Variants in NR2C2 observed in about 807,000 individuals in gnomAD.
The protein encoded by NR2C2 is Nuclear hormone receptor TR4.
In NR2C2, 6 loss-of-function variants were observed where a neutral mutation model predicts 62.9. That is an observed-to-expected ratio of 0.10 (90% confidence interval 0.05 to 0.19). NR2C2 has a LOEUF of 0.19. NR2C2 is among the 10% of genes least tolerant of loss of function. The pLI, the probability that NR2C2 is intolerant of heterozygous loss-of-function variation, is 1.00. For synonymous variants in NR2C2, 272 were observed against 273.8 expected, an observed-to-expected ratio of 0.99 and a Z score of 0.07; for missense variants, 479 against 762.7, an observed-to-expected ratio of 0.63 and a Z score of 4.38.
chr3:14,951,346 A>G (rs2039349666), intron 1 of NR2C2, among the ~76,000 whole-genome samples: 1 of 152,242 alleles, frequency 6.6e-6, no homozygotes, highest in South Asian at 2.1e-4. Context: ...CCAAGGTTAA[A>G]AGCAAATTTT....
intron 1 of NR2C2, among the ~76,000 whole-genome samples, chr3:14,953,353 TA>T (rs2039425963): frequency 6.6e-6 from 1 of 152,104 alleles, no homozygotes; most frequent in African/African-American, 2.4e-5. Flanking sequence ...TGCCCAAGTG[TA>T]AAAGAATATT....
intron 1 of NR2C2, chr3:14,948,138 A>G (rs1397071894): frequency 1.3e-5 from 2 of 151,382 alleles, no homozygotes; most frequent in Non-Finnish European, 3.0e-5. Context: ...GGCCGGCGCA[A>G]GGGTGGGGGT....
chr3:15,016,151 G>C lies in NR2C2; in HGVS notation c.274-1G>C. On this transcript the variant is annotated splice_acceptor_variant, in intron 3 of 13. Coordinates refer to ENST00000425241, the MANE Select transcript of NR2C2 (RefSeq NM_001291694.2). LOFTEE classifies it high-confidence loss of function. ...CCTGTTCGTTTCCTGATTTCTCTCA[G>C]ATTGTCACGGATTCTGCCTCTGTGG... 2 of 1,613,058 alleles carry C rather than the reference G, an allele frequency of 1.2e-6. No individual in the cohort carries two copies. Among genetic ancestry groups the C allele is most frequent in the Non-Finnish European group, 1.7e-6 (2 of 1,179,110 alleles).
chr3:14,997,018 A>G (rs2040853037), intron 1 of NR2C2, among the ~76,000 whole-genome samples: 1 of 152,244 alleles, frequency 6.6e-6, no homozygotes, highest in Non-Finnish European at 1.5e-5. Context: ...TTATTCTGCC[A>G]GTGAAGAATT....
intron 5 of NR2C2, among the ~76,000 whole-genome samples, chr3:15,022,398 C>CTTTTTTTTTTTTTTTTTTTTTTT (rs71038450): frequency 6.7e-5 from 6 of 89,142 alleles, no homozygotes; most frequent in Non-Finnish European, 1.1e-4. Flanking sequence ...CTTTTTCTTT[C>CTTTTTTTTTTTTTTTTTTTTTTT]TTTTTTTTTT....
At chr3:15,000,969 C>T (rs2040976432) in intron 1 of NR2C2, among the ~76,000 whole-genome samples, 1 of 151,606 alleles carries the variant, frequency 6.6e-6, no homozygotes, top group African/African-American at 2.4e-5. Context: ...CACCCGTCAC[C>T]ACGCCCGGCT....
chr3:15,003,121 T>C (rs116097290), intron 1 of NR2C2, among the ~76,000 whole-genome samples: 2,456 of 151,380 alleles, frequency 0.016, 62 homozygotes, highest in African/African-American at 0.056. Flanking sequence ...AATTTTTTTT[T>C]TTTTTTTTAA....
intron 1 of NR2C2, among the ~76,000 whole-genome samples, chr3:14,999,424 G>T (rs1486443694): frequency 6.6e-6 from 1 of 152,164 alleles, no homozygotes; most frequent in Non-Finnish European, 1.5e-5. Context: ...CCAGGAGGAT[G>T]AGGCTGCAGT....
Position 14,947,835 on chromosome 3 carries a change from C to T in NR2C2, c.-111C>T, listed in dbSNP as rs1470726137. 2 of 149,192 alleles carry T rather than the reference C, an allele frequency of 1.3e-5. No individual in the cohort carries two copies. The highest frequency in any genetic ancestry group is 4.9e-5 in the African/African-American group (2 of 40,906). 9.2% of individuals were successfully genotyped at this position (149,192 alleles called of 1,614,324 possible). On this transcript the variant is annotated 5_prime_UTR_variant, in exon 1 of 14. Transcript: ENST00000425241. Reference sequence around the variant, plus strand: ...GGGAGCCCGGGCTCCCCGCGCCCTGCCCTCCGCGCCGGGGGCCGCCCGCCG... The same window carrying T: ...GGGAGCCCGGGCTCCCCGCGCCCTGTCCTCCGCGCCGGGGGCCGCCCGCCG...
intron 1 of NR2C2, among the ~76,000 whole-genome samples, chr3:14,952,071 C>T (rs1346025918): frequency 6.6e-6 from 1 of 152,194 alleles, no homozygotes; most frequent in Non-Finnish European, 1.5e-5. Flanking sequence ...GCATCTGTCT[C>T]CAAGGAGTAA....
At chr3:15,040,199 C>A (rs564005164) in intron 13 of NR2C2, among the ~76,000 whole-genome samples, 40 of 152,054 alleles carry the variant, frequency 2.6e-4, no homozygotes, top group Non-Finnish European at 5.3e-4. Context: ...AACCCTTTCT[C>A]GTGCAGCTTT....
intron 10 of NR2C2, among the ~76,000 whole-genome samples, chr3:15,032,966 C>T (rs931226982): frequency 6.1e-5 from 9 of 146,846 alleles, no homozygotes; most frequent in African/African-American, 2.2e-4. Context: ...TACAGGAAAC[C>T]CCCCCCCCTT....
At chr3:15,037,804 CCA>C (rs2042146332) in intron 11 of NR2C2, among the ~76,000 whole-genome samples, 194 bp from the exon 12 acceptor site, 1 of 152,156 alleles carries the variant, frequency 6.6e-6, no homozygotes, top group Non-Finnish European at 1.5e-5. Flanking sequence ...GAGGCAGAAC[CCA>C]TATTGGAGCA....
intron 1 of NR2C2, among the ~76,000 whole-genome samples, chr3:14,956,178 T>C (rs79997633): frequency 0.015 from 2,232 of 152,308 alleles, 46 homozygotes; most frequent in African/African-American, 0.05. Flanking sequence ...TTGATGAACA[T>C]TTGTATTACA....
chr3:15,033,968 C>T (rs1458979741), intron 10 of NR2C2, among the ~76,000 whole-genome samples: 1 of 152,178 alleles, frequency 6.6e-6, no homozygotes, highest in Admixed American at 6.5e-5. Flanking sequence ...GTTCTCACTG[C>T]CTTCCTGTGG....
chr3:14,958,804 C>T (rs1292168836), intron 1 of NR2C2, among the ~76,000 whole-genome samples: 2 of 152,180 alleles, frequency 1.3e-5, no homozygotes, highest in African/African-American at 2.4e-5. Context: ...GGTGAAACCC[C>T]GTCTCTACTA....
At chr3:15,026,535 T>C (rs1312302808) in intron 7 of NR2C2, 1 of 152,208 alleles carries the variant, frequency 6.6e-6, no homozygotes, top group Non-Finnish European at 1.5e-5. Flanking sequence ...ACTAATCTGC[T>C]TTCTGACTCT....
Position 15,032,484 on chromosome 3 carries a change from G to T in NR2C2, c.1216G>T (p.Ala406Ser). 6.2e-7 allele frequency: 1 copy of T among 1,614,186 alleles called. No individual in the cohort carries two copies. The highest frequency in any genetic ancestry group is 8.5e-7 in the Non-Finnish European group (1 of 1,180,044). The change falls in exon 10 of 14, where the codon GCC (alanine) becomes TCC (serine). Residue 406 changes from alanine (A) to serine (S), a missense_variant. Physicochemically the swap from Ala to Ser is moderately conservative, Grantham distance 99 (BLOSUM62 1). Coordinates refer to ENST00000425241, the MANE Select transcript of NR2C2 (RefSeq NM_001291694.2). ...LSMHWARSIP[A>S]FQALGQDCNT... ...AATGCACTGGGCTCGGTCAATCCCA[G>T]CCTTTCAGGCACTTGGGTAAGTGGC...
intron 1 of NR2C2, among the ~76,000 whole-genome samples, chr3:14,958,559 C>T (rs2039593912): frequency 6.6e-6 from 1 of 152,146 alleles, no homozygotes; most frequent in Non-Finnish European, 1.5e-5. Flanking sequence ...GTATAGTAAC[C>T]ACTTAGTGTT....
Sources: allele counts gnomAD v4.1 joint callset (sites outside exome capture counted in the v4.1 genomes callset), GRCh38; gene constraint gnomAD v4.1.1; transcripts MANE v1.5; gene names NCBI Gene and HGNC (gene_info 2026-07-23, HGNC 2026-07-21).